Variants in YEATS4 observed in about 807,000 individuals in gnomAD.
YEATS4 encodes the protein YEATS domain-containing protein 4.
YEATS4 carries 17 observed loss-of-function variants against 30.1 expected under a neutral mutation model. The ratio of observed to expected loss-of-function variants is 0.56; its 90% confidence interval spans 0.39 to 0.85. YEATS4 has a LOEUF of 0.85. Ranked by LOEUF, YEATS4 falls within the 40% of genes least tolerant of loss-of-function variation. The pLI, the probability that YEATS4 is intolerant of heterozygous loss-of-function variation, is 0.00. For synonymous variants in YEATS4, 85 were observed against 87.5 expected (o/e 0.97, Z 0.16); for missense variants, 142 against 268.3 (o/e 0.53, Z 3.29).
the YEATS4 span, among the ~76,000 whole-genome samples, chr12:69,401,396 G>A: frequency 6.6e-6 from 1 of 152,216 alleles, no homozygotes; most frequent in African/African-American, 2.4e-5. Context: ...GGGGAAAGCA[G>A]TGAAACTGGA....
intron 6 of YEATS4, among the ~76,000 whole-genome samples, chr12:69,389,283 C>T (rs532836246): frequency 3.0e-4 from 45 of 151,800 alleles, no homozygotes; most frequent in Admixed American, 4.6e-4. Flanking sequence ...AACCCCGTCT[C>T]TACTAAAATA....
At chr12:69,380,201 C>G (rs779025945) in intron 6 of YEATS4, among the ~76,000 whole-genome samples, 16 of 152,138 alleles carry the variant, frequency 1.1e-4, no homozygotes, top group Non-Finnish European at 2.1e-4. Flanking sequence ...TTATTGTAGT[C>G]TTTGTAATCT....
intron 6 of YEATS4, among the ~76,000 whole-genome samples, chr12:69,373,799 G>A (rs1395049895): frequency 6.6e-6 from 1 of 152,148 alleles, no homozygotes; most frequent in Non-Finnish European, 1.5e-5. Context: ...TTTGATTTTT[G>A]TATATGGCGA....
the YEATS4 span, among the ~76,000 whole-genome samples, chr12:69,407,095 G>A: frequency 1.3e-5 from 2 of 150,492 alleles, no homozygotes; most frequent in African/African-American, 4.9e-5. Flanking sequence ...GATTACAGGT[G>A]TAAGCCACCA....
chr12:69,363,282 C>T (rs530724122), intron 2 of YEATS4, among the ~76,000 whole-genome samples: 3 of 151,934 alleles, frequency 2.0e-5, no homozygotes, highest in East Asian at 1.9e-4. Context: ...CGTGAGCCAC[C>T]GCGCCCGGCC....
In YEATS4 at chr12:69,362,848, AGAG is replaced by A; in HGVS notation, c.113_115del (p.Arg38_Glu39delinsLys). 1 of 1,612,736 alleles carries A rather than the reference AGAG, an allele frequency of 6.2e-7. No individual in the cohort carries two copies. Among genetic ancestry groups the A allele is most frequent in the Non-Finnish European group, 8.5e-7 (1 of 1,179,092 alleles). On this transcript the variant is annotated inframe_deletion, in exon 2 of 7. Coordinates refer to ENST00000247843, the MANE Select transcript of YEATS4 (RefSeq NM_006530.4). Reference sequence around the variant, plus strand: ...TGTTGCTCGGTATTTTGGAAAGAAAAGAGAAGAAGATGGGCACACTCATCAGTG... The same window carrying A: ...TGTTGCTCGGTATTTTGGAAAGAAAAAAGAAGATGGGCACACTCATCAGTG...
the YEATS4 span, among the ~76,000 whole-genome samples, chr12:69,423,799 C>T: frequency 6.6e-6 from 1 of 152,192 alleles, no homozygotes. Flanking sequence ...CCAAAAGAAA[C>T]ATCTTGCTGG....
At chr12:69,395,965 G>C in the YEATS4 span, among the ~76,000 whole-genome samples, 2 of 152,030 alleles carry the variant, frequency 1.3e-5, no homozygotes, top group African/African-American at 2.4e-5. Context: ...ATTATTTTTA[G>C]TTATTTTTAC....
At chr12:69,387,909 C>A (rs1868270405) in intron 6 of YEATS4, among the ~76,000 whole-genome samples, 1 of 151,734 alleles carries the variant, frequency 6.6e-6, no homozygotes, top group Non-Finnish European at 1.5e-5. Flanking sequence ...GTGTGTACTA[C>A]CTATGTATAA....
chr12:69,395,507 A>G (rs1868345053), downstream of YEATS4, among the ~76,000 whole-genome samples: 1 of 152,180 alleles, frequency 6.6e-6, no homozygotes, highest in Non-Finnish European at 1.5e-5. Context: ...TTAGTAAGCA[A>G]AGAAAAGTAA....
chr12:69,374,564 G>A (rs117426963), intron 6 of YEATS4, among the ~76,000 whole-genome samples: 8,651 of 152,044 alleles, frequency 0.057, 486 homozygotes, highest in East Asian at 0.28. Context: ...CTGCCTTCCC[G>A]CAGTGTTTGT....
chr12:69,360,839 A>G (rs779753421), intron 1 of YEATS4, among the ~76,000 whole-genome samples: 1 of 151,582 alleles, frequency 6.6e-6, no homozygotes, highest in Non-Finnish European at 1.5e-5. Flanking sequence ...TTTCCTTTAT[A>G]AATAAAAATC....
chr12:69,424,927 TA>T, the YEATS4 span, among the ~76,000 whole-genome samples: 1 of 152,138 alleles, frequency 6.6e-6, no homozygotes, highest in Non-Finnish European at 1.5e-5. Flanking sequence ...TTTATTTATT[TA>T]TTTATTTTGA....
intron 6 of YEATS4, among the ~76,000 whole-genome samples, chr12:69,383,174 G>T (rs1876144185): frequency 6.6e-6 from 1 of 152,100 alleles, no homozygotes; most frequent in African/African-American, 2.4e-5. Context: ...TGAGGTTGGG[G>T]GATTACTTGA....
intron 4 of YEATS4, among the ~76,000 whole-genome samples, chr12:69,370,363 T>C (rs1875591781): frequency 6.6e-6 from 1 of 152,346 alleles, no homozygotes; most frequent in Non-Finnish European, 1.5e-5. Flanking sequence ...CAGTCACAAT[T>C]AATCCACTTG....
chr12:69,420,409 G>A, the YEATS4 span, among the ~76,000 whole-genome samples: 1 of 151,784 alleles, frequency 6.6e-6, no homozygotes, highest in Admixed American at 6.6e-5. Context: ...TTTGGTTAGG[G>A]GGAGGGGGAC....
chr12:69,387,004 C>A (rs1230068184), intron 6 of YEATS4, among the ~76,000 whole-genome samples: 1 of 151,908 alleles, frequency 6.6e-6, no homozygotes, highest in East Asian at 1.9e-4. Flanking sequence ...CCCCACCCCA[C>A]CCCCCAAAAA....
At chr12:69,388,553 CA>C (rs1366256020) in intron 6 of YEATS4, among the ~76,000 whole-genome samples, 1 of 152,018 alleles carries the variant, frequency 6.6e-6, no homozygotes, top group Non-Finnish European at 1.5e-5. Flanking sequence ...CAGCAGTTAC[CA>C]AAAATGTCCA....
the YEATS4 span, chr12:69,422,549 A>T: frequency 6.7e-6 from 1 of 149,394 alleles, no homozygotes; most frequent in Admixed American, 6.8e-5. Flanking sequence ...GAGGATCACT[A>T]CAGCCCCGGA....
Sources: gnomAD v4.1 joint callset for allele counts (sites outside exome capture counted in the v4.1 genomes callset) on GRCh38, gnomAD v4.1.1 for gene constraint, MANE v1.5 for transcripts, NCBI Gene and HGNC (gene_info 2026-07-23, HGNC 2026-07-21) for gene names.